GOLGA5: variants seen among roughly 807,000 people sequenced by gnomAD.
The protein encoded by GOLGA5 is golgin A5, also known as golgin subfamily A member 5.
Under a neutral mutation model 93.5 loss-of-function variants are expected in GOLGA5, and 50 were observed. The ratio of observed to expected loss-of-function variants is 0.53; its 90% CI spans 0.43 to 0.68. The LOEUF (loss-of-function observed/expected upper bound fraction) is 0.68, where lower values mean the gene tolerates loss of function less well. Among genes scored for constraint, GOLGA5 ranks in the 30% least tolerant of loss-of-function variants. The pLI, the probability that GOLGA5 is intolerant of heterozygous loss-of-function variation, is 0.00. For missense variants in GOLGA5, 760 were observed against 856.4 expected (o/e 0.89, Z 1.40); for synonymous variants, 312 against 304.5 (o/e 1.02, Z -0.26).
chr14:92,798,030 T>C, intron 2 of GOLGA5, 49 bp downstream of exon 2: 1 of 1,149,492 alleles, frequency 8.7e-7, no homozygotes. Flanking sequence ...AAATTGAATG[T>C]GTCATCATAT....
intron 2 of GOLGA5, among the ~76,000 whole-genome samples, chr14:92,806,105 A>G (rs1022458448): frequency 6.6e-6 from 1 of 151,990 alleles, no homozygotes; most frequent in African/African-American, 2.4e-5. Context: ...TTTTTTCCCA[A>G]AAGCATTTTG....
At chr14:92,801,946 G>A (rs1884882547) in intron 2 of GOLGA5, among the ~76,000 whole-genome samples, 1 of 152,100 alleles carries the variant, frequency 6.6e-6, no homozygotes, top group African/African-American at 2.4e-5. Context: ...TATGTGTCTT[G>A]ATAACTGATA....
intron 2 of GOLGA5, among the ~76,000 whole-genome samples, chr14:92,800,201 A>G (rs1010925611): frequency 2.0e-5 from 3 of 152,240 alleles, no homozygotes; most frequent in Non-Finnish European, 4.4e-5. Context: ...ATGTAAACAG[A>G]TAATTTACTT....
chr14:92,804,409 A>G (rs1884937547), intron 2 of GOLGA5, among the ~76,000 whole-genome samples: 1 of 151,626 alleles, frequency 6.6e-6, no homozygotes, highest in Non-Finnish European at 1.5e-5. Flanking sequence ...AATTTCAAAC[A>G]TACCAAAATA....
At chr14:92,834,635 A>C (rs1023533755) in intron 10 of GOLGA5, among the ~76,000 whole-genome samples, 2 of 152,238 alleles carry the variant, frequency 1.3e-5, no homozygotes, top group Admixed American at 1.3e-4. Flanking sequence ...TGAGTGAAGA[A>C]GACACTTGTG....
In GOLGA5 at chr14:92,810,289, A is replaced by G. The variant is rs1483412304; in HGVS notation, c.1028A>G (p.Gln343Arg). 2 of 1,603,194 alleles carry G rather than the reference A, an allele frequency of 1.2e-6. No individual in the cohort carries two copies. Among genetic ancestry groups the G allele is most frequent in the South Asian group, 1.1e-5 (1 of 89,592 alleles). ...MQDQSEGNSL[Q>R]NQALQTFQER... The stretch of plus-strand genomic sequence containing the variant: ...GATCAAAGTGAAGGTAACAGCCTGC[A>G]GAATCAAGCTCTGCAGACTTTTCAG... Residue 343 changes from glutamine (Q) to arginine (R), a missense_variant, in exon 5 of 13, where the codon CAG (glutamine) becomes CGG (arginine). Coordinates refer to ENST00000163416, the MANE Select transcript of GOLGA5 (RefSeq NM_005113.4).
chr14:92,797,821 T>C lies in GOLGA5; in HGVS notation c.384T>C (p.Asn128=). 6.2e-7 allele frequency: 1 copy of C among 1,614,048 alleles called. No individual in the cohort carries two copies. Among genetic ancestry groups the C allele is most frequent in the Non-Finnish European group, 8.5e-7 (1 of 1,179,972 alleles). Residue 128 remains asparagine, a synonymous_variant, in exon 2 of 13, where the codon AAT becomes AAC. Coordinates refer to ENST00000163416, the MANE Select transcript of GOLGA5 (RefSeq NM_005113.4). ...ATGAGCTGCTGTTTGATTTTCTTAA[T>C]AGTTCACAGAAGGAGCCTACCGGGA... The part of the protein sequence containing the change: ...PDDELLFDFL[N]SSQKEPTGRV...
chr14:92,800,647 C>T (rs1042532775), intron 2 of GOLGA5, among the ~76,000 whole-genome samples: 15 of 152,232 alleles, frequency 9.9e-5, no homozygotes, highest in African/African-American at 3.4e-4. Context: ...GAGTGCCTTC[C>T]CAGGCTTCCT....
At chr14:92,830,723 C>T (rs140246561) in intron 9 of GOLGA5, among the ~76,000 whole-genome samples, 479 of 152,198 alleles carry the variant, frequency 3.1e-3, no homozygotes, top group Middle Eastern at 0.014. Context: ...CCTCAGCCCC[C>T]CAAGTGGCTG....
At chr14:92,819,153 T>TA (rs1885264263) in intron 7 of GOLGA5, among the ~76,000 whole-genome samples, 1 of 152,312 alleles carries the variant, frequency 6.6e-6, no homozygotes, top group African/African-American at 2.4e-5. Context: ...TGAGTAAAGA[T>TA]ATAAGTCTCC....
chr14:92,811,740 A>G lies in GOLGA5; in HGVS notation c.1306A>G (p.Thr436Ala), dbSNP rs1284505584. 1.2e-6 allele frequency: 2 copies of G among 1,607,508 alleles called. No homozygotes were observed. Among genetic ancestry groups the G allele is most frequent in the Non-Finnish European group, 8.5e-7 (1 of 1,174,294 alleles). ...QELIDYKQKA[T>A]RILQSKEKLI... The stretch of plus-strand genomic sequence containing the variant: ...ATTAATTGACTACAAGCAAAAAGCT[A>G]CTAGAATACTGCAAGTAAGCATGAA... The change falls in exon 6 of 13, where the codon ACT becomes GCT. Residue 436 changes from threonine (T) to alanine (A), a missense_variant. Physicochemically the swap from Thr to Ala is moderately conservative, Grantham distance 58 (BLOSUM62 0). Transcript: ENST00000163416.
chr14:92,833,232 A>C lies in GOLGA5; in HGVS notation c.1830A>C (p.Thr610=). The change falls in exon 10 of 13, where the codon ACA becomes ACC. Residue 610 remains threonine, a synonymous_variant. Transcript: ENST00000163416. The part of the protein sequence containing the change: ...QKQTMLESLS[T]EKNSLVFQLE... ...AGACCATGCTGGAGAGTCTCAGCAC[A>C]GAAAAGAACTCCCTGGTCTTTCAAC... is the stretch of plus-strand genomic sequence containing the variant. 1.9e-6 allele frequency: 3 copies of C among 1,613,686 alleles called. No individual in the cohort carries two copies. Among genetic ancestry groups the C allele is most frequent in the South Asian group, 2.2e-5 (2 of 91,076 alleles).
At chr14:92,830,283 A>G (rs554741487) in intron 9 of GOLGA5, among the ~76,000 whole-genome samples, 34 of 152,226 alleles carry the variant, frequency 2.2e-4, no homozygotes, top group Non-Finnish European at 3.5e-4. Flanking sequence ...ACACCATTGC[A>G]CTCCAGTCTG....
rs553181071 is a variant in GOLGA5, at chr14:92,819,298, A to G, written c.1492-410A>G. ...TATATGCTCCCTATAGGCTGAAACC[A>G]TGTCTCATTCACCTTTATTCCTCAG... On this transcript the variant is annotated intron_variant, in intron 7 of 12. Coordinates refer to ENST00000163416, the MANE Select transcript of GOLGA5 (RefSeq NM_005113.4). Among the ~76,000 whole-genome samples the G allele has an allele frequency of 1.9e-4, 29 of 152,268 alleles. No homozygotes were observed. In the South Asian group the frequency reaches 6.0e-3, roughly 32 times the overall value.
intron 7 of GOLGA5, among the ~76,000 whole-genome samples, chr14:92,818,290 T>C (rs1377478405): frequency 2.0e-5 from 3 of 152,252 alleles, no homozygotes; most frequent in African/African-American, 7.2e-5. Flanking sequence ...ATGTTCCAGA[T>C]ACTGCACAGA....
At chr14:92,800,945 C>T (rs932716241) in intron 2 of GOLGA5, among the ~76,000 whole-genome samples, 5 of 152,222 alleles carry the variant, frequency 3.3e-5, no homozygotes, top group African/African-American at 1.2e-4. Context: ...GGTAGGACCT[C>T]TCAACCTTGA....
intron 11 of GOLGA5, among the ~76,000 whole-genome samples, chr14:92,836,023 C>A (rs2140338395): frequency 6.6e-6 from 1 of 151,868 alleles, no homozygotes; most frequent in African/African-American, 2.4e-5. Context: ...GTAAAAGTAT[C>A]CATTTGAATG....
chr14:92,805,175 C>A (rs935912353), intron 2 of GOLGA5, among the ~76,000 whole-genome samples: 2 of 151,192 alleles, frequency 1.3e-5, no homozygotes, highest in African/African-American at 4.9e-5. Context: ...ATCTCCTCAC[C>A]CCGTCCCTGA....
chr14:92,833,074 T>C, intron 9 of GOLGA5, 48 bp from the exon 10 acceptor site: 1 of 1,020,462 alleles, frequency 9.8e-7, no homozygotes, highest in South Asian at 1.3e-5. Flanking sequence ...TTCTGTATTG[T>C]ATGACTTTCA....
Sources: gnomAD v4.1 joint callset for allele counts (sites outside exome capture counted in the v4.1 genomes callset) on GRCh38, gnomAD v4.1.1 for gene constraint, MANE v1.5 for transcripts, NCBI Gene and HGNC (gene_info 2026-07-23, HGNC 2026-07-21) for gene names.